The following ZNF475 variants were observed in gnomAD, a reference collection of about 807,000 sequenced individuals.
The protein encoded by ZNF475 is zinc finger protein 475.
chr5:122,174,239 A>G, the ZNF475 span, among the ~76,000 whole-genome samples: 1 of 152,194 alleles, frequency 6.6e-6, no homozygotes, highest in African/African-American at 2.4e-5. Context: ...AAAAGGCCCA[A>G]TAGGAAAACC....
the ZNF475 span, chr5:122,180,100 G>A: frequency 6.5e-6 from 1 of 152,708 alleles, no homozygotes; most frequent in Non-Finnish European, 1.5e-5. Context: ...AAAAACCTTT[G>A]GGAACATCCA....
chr5:122,178,556 T>G, the ZNF475 span, among the ~76,000 whole-genome samples: 1 of 152,252 alleles, frequency 6.6e-6, no homozygotes, highest in Non-Finnish European at 1.5e-5. Flanking sequence ...TCTATTTATA[T>G]CCTTTGCCCT....
At chr5:122,161,970 A>C in the ZNF475 span, among the ~76,000 whole-genome samples, 4 of 151,852 alleles carry the variant, frequency 2.6e-5, no homozygotes, top group Admixed American at 2.6e-4. Flanking sequence ...CTTATCTCAA[A>C]TGTGAAAATT....
chr5:122,171,606 A>G, the ZNF475 span, among the ~76,000 whole-genome samples: 3 of 152,238 alleles, frequency 2.0e-5, no homozygotes, highest in African/African-American at 7.2e-5. Context: ...GCAAAACATT[A>G]ACTTCAAACT....
the ZNF475 span, among the ~76,000 whole-genome samples, chr5:122,175,766 C>T: frequency 6.6e-6 from 1 of 152,088 alleles, no homozygotes; most frequent in Non-Finnish European, 1.5e-5. Flanking sequence ...CTTCTACTGC[C>T]TCCTCTGTAA....
the ZNF475 span, among the ~76,000 whole-genome samples, chr5:122,177,866 G>C: frequency 6.6e-6 from 1 of 151,990 alleles, no homozygotes; most frequent in Non-Finnish European, 1.5e-5. Flanking sequence ...ATCTACATTA[G>C]GTATTTCTCG....
At chr5:122,182,604 G>A in the ZNF475 span, 2 of 1,535,456 alleles carry the variant, frequency 1.3e-6, no homozygotes, top group South Asian at 2.4e-5. Context: ...CAGACTGATT[G>A]TTCACCAACG....
At chr5:122,170,147 A>G in the ZNF475 span, among the ~76,000 whole-genome samples, 2 of 152,320 alleles carry the variant, frequency 1.3e-5, no homozygotes, top group South Asian at 4.1e-4. Context: ...TTTTGTATTT[A>G]AAAGGAAAAC....
chr5:122,167,179 C>A, the ZNF475 span, among the ~76,000 whole-genome samples: 1 of 152,152 alleles, frequency 6.6e-6, no homozygotes, highest in Non-Finnish European at 1.5e-5. Flanking sequence ...TTCAAACAGA[C>A]AAGATGCCAT....
the ZNF475 span, among the ~76,000 whole-genome samples, chr5:122,178,783 TG>T: frequency 6.6e-6 from 1 of 152,218 alleles, no homozygotes; most frequent in South Asian, 2.1e-4. Context: ...CCATTGCTTT[TG>T]GTGTTTTAGT....
At chr5:122,164,759 T>C in the ZNF475 span, among the ~76,000 whole-genome samples, 1 of 152,096 alleles carries the variant, frequency 6.6e-6, no homozygotes, top group Admixed American at 6.5e-5. Flanking sequence ...TCAAAACTAA[T>C]CAGTCTGAGT....
At chr5:122,164,551 C>A in the ZNF475 span, among the ~76,000 whole-genome samples, 2 of 152,054 alleles carry the variant, frequency 1.3e-5, no homozygotes, top group Non-Finnish European at 2.9e-5. Flanking sequence ...TGTGCAGGGA[C>A]CAGGGGCATG....
At chr5:122,170,552 C>T in the ZNF475 span, among the ~76,000 whole-genome samples, 1 of 152,166 alleles carries the variant, frequency 6.6e-6, no homozygotes, top group South Asian at 2.1e-4. Flanking sequence ...TGGTGTGGAG[C>T]TTCTGTGACC....
chr5:122,162,724 G>A, the ZNF475 span, among the ~76,000 whole-genome samples: 2 of 152,152 alleles, frequency 1.3e-5, no homozygotes, highest in Non-Finnish European at 2.9e-5. Context: ...CCTTGGTATT[G>A]TTGGAAGGGG....
At chr5:122,166,366 T>G in the ZNF475 span, among the ~76,000 whole-genome samples, 18 of 152,340 alleles carry the variant, frequency 1.2e-4, no homozygotes, top group Admixed American at 1.1e-3. Context: ...TTAGTTATAC[T>G]TTAAGTTCTA....
At chr5:122,161,469 A>T in the ZNF475 span, among the ~76,000 whole-genome samples, 31 of 152,312 alleles carry the variant, frequency 2.0e-4, 1 homozygote, top group South Asian at 6.2e-4. Context: ...GAAAATTTTT[A>T]AAAAATATCT....
the ZNF475 span, among the ~76,000 whole-genome samples, chr5:122,178,295 T>C: frequency 2.0e-5 from 3 of 152,204 alleles, no homozygotes; most frequent in Non-Finnish European, 4.4e-5. Context: ...GTATTTCTGG[T>C]TCTAGATCCT....
chr5:122,179,624 C>A, the ZNF475 span: 6 of 1,533,866 alleles, frequency 3.9e-6, no homozygotes, highest in Non-Finnish European at 4.4e-6. Flanking sequence ...AATCTATTAG[C>A]ATTCATGAGC....
the ZNF475 span, among the ~76,000 whole-genome samples, chr5:122,166,762 A>T: frequency 6.6e-6 from 1 of 152,290 alleles, no homozygotes; most frequent in Non-Finnish European, 1.5e-5. Flanking sequence ...GGTTGGTTCC[A>T]AGTCTTTGCT....
Sources: gnomAD v4.1 joint callset for allele counts (sites outside exome capture counted in the v4.1 genomes callset) on GRCh38, gnomAD v4.1.1 for gene constraint, MANE v1.5 for transcripts, NCBI Gene and HGNC (gene_info 2026-07-23, HGNC 2026-07-21) for gene names.